VPS8: variants seen among roughly 807,000 people sequenced by gnomAD.
The protein encoded by VPS8 is vacuolar protein sorting-associated protein 8 homolog.
VPS8 carries 129 observed loss-of-function variants against 216.4 expected under a neutral mutation model. The observed-to-expected ratio is 0.60, with a 90% confidence interval of 0.52 to 0.69. VPS8 has a LOEUF of 0.69. Ranked by LOEUF, VPS8 falls within the 30% of genes least tolerant of loss-of-function variation. VPS8 has a pLI of 0.00. For synonymous variants in VPS8, 571 were observed against 565.4 expected (o/e 1.01, Z -0.14); for missense variants, 1,531 against 1,683.5 (o/e 0.91, Z 1.59).
At chr3:184,944,723 G>A (rs541194460) in intron 36 of VPS8, 11 of 334,036 alleles carry the variant, frequency 3.3e-5, no homozygotes, top group African/African-American at 6.7e-5. Flanking sequence ...AAACACATAC[G>A]TCACATTGTA....
chr3:184,987,196 G>T (rs952652310), intron 42 of VPS8, among the ~76,000 whole-genome samples: 4 of 151,946 alleles, frequency 2.6e-5, no homozygotes, highest in African/African-American at 7.3e-5. Flanking sequence ...TCACTGCAAC[G>T]TCCACCTCCC....
chr3:185,005,625 T>TTTATTTTATTTA (rs143945623), intron 45 of VPS8, among the ~76,000 whole-genome samples: 5 of 150,228 alleles, frequency 3.3e-5, no homozygotes, highest in African/African-American at 1.2e-4. Context: ...ATTTTATTTA[T>TTTATTTTATTTA]TTTATTTATT....
chr3:184,898,728 T>A, intron 24 of VPS8, 74 bp downstream of exon 24: 2 of 1,159,360 alleles, frequency 1.7e-6, no homozygotes, highest in Non-Finnish European at 2.4e-6. Flanking sequence ...CCATTTGCTT[T>A]TAATAGTTTC....
intron 36 of VPS8, among the ~76,000 whole-genome samples, chr3:184,956,982 A>G (rs1018480367): frequency 1.3e-5 from 2 of 152,324 alleles, no homozygotes; most frequent in East Asian, 3.9e-4. Context: ...GATTGGTGCT[A>G]TGAAGAATAT....
At chr3:184,936,557 G>GTC (rs1741667801) in intron 35 of VPS8, among the ~76,000 whole-genome samples, 1 of 150,892 alleles carries the variant, frequency 6.6e-6, no homozygotes, top group Non-Finnish European at 1.5e-5. Flanking sequence ...GTGTGTGTGT[G>GTC]TGTGGTTGGG....
At chr3:184,812,288 T>C (rs1023550447) in intron 1 of VPS8, 63 bp downstream of exon 1, 6 of 152,180 alleles carry the variant, frequency 3.9e-5, no homozygotes, top group Non-Finnish European at 4.4e-5. Context: ...GTATTCAGGG[T>C]AGGAGGAGAG....
chr3:184,980,897 C>T (rs114673690), intron 40 of VPS8, among the ~76,000 whole-genome samples: 6,444 of 152,238 alleles, frequency 0.042, 148 homozygotes, highest in African/African-American at 0.056. Flanking sequence ...GAAACTCTGG[C>T]TTTTTGAGTT....
At chr3:185,010,170 TTAAAC>T (rs1333190334) in intron 45 of VPS8, among the ~76,000 whole-genome samples, 1 of 152,102 alleles carries the variant, frequency 6.6e-6, no homozygotes, top group Non-Finnish European at 1.5e-5. Flanking sequence ...AAAATTAACT[TTAAAC>T]TAACTGCTGC....
At chr3:184,993,347 G>T (rs1254427565) in intron 42 of VPS8, among the ~76,000 whole-genome samples, 1 of 151,056 alleles carries the variant, frequency 6.6e-6, no homozygotes, top group Non-Finnish European at 1.5e-5. Flanking sequence ...TTTTTGTTTT[G>T]TTTTTTGTTT....
chr3:184,834,697 C>T lies in VPS8; in HGVS notation c.402C>T (p.Arg134=). 1 of 1,563,798 alleles carries T rather than the reference C, an allele frequency of 6.4e-7. No homozygotes were observed. Among genetic ancestry groups the T allele is most frequent in the Admixed American group, 1.9e-5 (1 of 52,734 alleles). ...TTTCACTTCATGGATCAGTTATGCG[C>T]CATTCACTTTTGAAGGGAATTTCTG... The part of the protein sequence containing the change: ...DSFSLHGSVM[R]HSLLKGISAQ... The change falls in exon 5 of 48, where the codon CGC becomes CGT. Residue 134 remains arginine, a synonymous_variant. Transcript: ENST00000625842.
intron 14 of VPS8, among the ~76,000 whole-genome samples, chr3:184,856,625 C>CA (rs774155291): frequency 1.1e-4 from 17 of 152,210 alleles, no homozygotes; most frequent in Non-Finnish European, 5.9e-5. Flanking sequence ...ACTCTACCTC[C>CA]AAAAATCTCT....
At chr3:184,917,898 G>C (rs1009928046) in intron 28 of VPS8, among the ~76,000 whole-genome samples, 5 of 152,122 alleles carry the variant, frequency 3.3e-5, no homozygotes, top group Admixed American at 2.0e-4. Context: ...CTAGAGTCTG[G>C]GAAGTCCAAG....
At position 184,898,590 on chromosome 3, in the gene VPS8, GT is replaced by G; in HGVS notation, c.2033del (p.Leu678TyrfsTer5). On this transcript the variant is annotated frameshift_variant, in exon 24 of 48. Transcript: ENST00000625842. LOFTEE classifies it high-confidence loss of function. ...GTAGTTCTCATGTGTTGGGAAAATC[GT>G]TTATATGATGCTATGATCTATGTCT... ...QQVVLMCWEN[R>X]LYDAMIYVYN... The G allele has an allele frequency of 6.4e-7, 1 of 1,554,260 alleles. No homozygotes were observed. The highest frequency in any genetic ancestry group is 8.7e-7 in the Non-Finnish European group (1 of 1,147,850).
chr3:184,843,229 G>T lies in VPS8; in HGVS notation c.536-11G>T. The T allele has an allele frequency of 2.1e-6, 3 of 1,414,294 alleles. No individual in the cohort carries two copies. The highest frequency in any genetic ancestry group is 2.4e-5 in the Admixed American group (1 of 40,896). 87.6% of individuals were successfully genotyped at this position (1,414,294 alleles called of 1,614,324 possible). On this transcript the variant is annotated splice_polypyrimidine_tract_variant and intron_variant, in intron 7 of 47. Coordinates refer to ENST00000625842, the MANE Select transcript of VPS8 (RefSeq NM_001009921.3). ...TTATCTTTCTTGATCTTTTCTTCAT[G>T]GATTCAAAAGGAAAAGGTATAGTAA...
At chr3:184,958,051 G>A (rs1745916237) in intron 37 of VPS8, among the ~76,000 whole-genome samples, 1 of 152,246 alleles carries the variant, frequency 6.6e-6, no homozygotes, top group African/African-American at 2.4e-5. Flanking sequence ...TCAATATTTG[G>A]GGGAAACATA....
At chr3:184,875,575 T>C (rs747207460) in intron 21 of VPS8, among the ~76,000 whole-genome samples, 3 of 152,118 alleles carry the variant, frequency 2.0e-5, no homozygotes, top group Non-Finnish European at 4.4e-5. Flanking sequence ...TATGTTCAAG[T>C]GTTTCCCACC....
chr3:184,872,944 CATATAACTAAAG>C (rs1206374096), intron 21 of VPS8, among the ~76,000 whole-genome samples: 1 of 152,110 alleles, frequency 6.6e-6, no homozygotes, highest in East Asian at 1.9e-4. Context: ...TGGAGAAAGG[CATATAACTAAAG>C]ATACATACCA....
intron 1 of VPS8, among the ~76,000 whole-genome samples, chr3:184,819,573 C>G (rs2108481589): frequency 6.6e-6 from 1 of 152,252 alleles, no homozygotes; most frequent in East Asian, 1.9e-4. Context: ...ATCATTGGTG[C>G]ATATATTGGA....
At position 184,999,624 on chromosome 3, in the gene VPS8, G is replaced by A. The variant is rs1753124060; in HGVS notation, c.3837-72G>A. On this transcript the variant is annotated intron_variant, in intron 44 of 47. Transcript: ENST00000625842. The stretch of plus-strand genomic sequence containing the variant: ...TGTTAGAGATTTTTATTGCTTCTAA[G>A]TACACTTACAAGCTTATATTTATGG... The A allele has an allele frequency of 4.0e-6, 6 of 1,483,938 alleles. No individual in the cohort carries two copies. The South Asian group carries it at 4.3e-5, about 11-fold the overall frequency. The allele number at this position is 1,483,938 out of a possible 1,614,324, so 91.9% of individuals were successfully genotyped here. A position where few individuals can be genotyped will look rare whatever the true frequency, so the allele number is the denominator to read the frequency against.
Sources: gnomAD v4.1 joint callset for allele counts (sites outside exome capture counted in the v4.1 genomes callset) on GRCh38, gnomAD v4.1.1 for gene constraint, MANE v1.5 for transcripts, NCBI Gene and HGNC (gene_info 2026-07-23, HGNC 2026-07-21) for gene names.